DHRS12: variants seen among roughly 807,000 people sequenced by gnomAD.
DHRS12 encodes dehydrogenase/reductase 12, also known as dehydrogenase/reductase SDR family member 12.
Under a neutral mutation model 32.1 loss-of-function variants are expected in DHRS12, and 29 were observed. The observed-to-expected ratio is 0.90, with a 90% CI of 0.67 to 1.23. The LOEUF is 1.23. DHRS12 is among the 50% of genes most tolerant of loss of function. DHRS12 has a pLI of 0.00. For missense variants in DHRS12, 330 were observed against 337.2 expected (o/e 0.98, Z 0.17); for synonymous variants, 150 against 135.9 (o/e 1.10, Z -0.72).
intron 6 of DHRS12, chr13:51,773,037 G>A: frequency 1.0e-6 from 1 of 985,468 alleles, no homozygotes; most frequent in Non-Finnish European, 1.2e-6. Flanking sequence ...GGGCGCCCTA[G>A]CGGGTGAATT....
intron 4 of DHRS12, among the ~76,000 whole-genome samples, chr13:51,781,703 G>C (rs1477272753): frequency 2.0e-5 from 3 of 152,224 alleles, no homozygotes; most frequent in Admixed American, 6.5e-5. Context: ...CCTGAGGCTG[G>C]AGAGTGCAAC....
intron 5 of DHRS12, chr13:51,776,436 T>C (rs1456107514): frequency 1.3e-5 from 2 of 152,978 alleles, no homozygotes; most frequent in Non-Finnish European, 2.9e-5. Context: ...ATGAGGACCC[T>C]TGGGACTCCA....
intron 7 of DHRS12, among the ~76,000 whole-genome samples, chr13:51,769,899 C>T (rs1593502445): frequency 1.3e-5 from 2 of 152,238 alleles, no homozygotes; most frequent in Admixed American, 1.3e-4. Context: ...GTCGGGCACT[C>T]TACCTGCCCA....
Position 51,768,414 on chromosome 13 carries a change from G to C in DHRS12, c.698-118C>G, listed in dbSNP as rs975820131. 6.1e-6 allele frequency: 9 copies of C among 1,479,576 alleles called. No homozygotes were observed. In the African/African-American group the frequency reaches 7.0e-5, roughly 12 times the overall value. 91.7% of individuals were successfully genotyped at this position (1,479,576 alleles called of 1,614,324 possible). On this transcript the variant is annotated intron_variant, in intron 8 of 8. Transcript: ENST00000444610. ...GCTGGAGTGGCAGCACCCTACAGCT[G>C]TTAGACCCCCATCCCTGCTGTCAAA... is the stretch of plus-strand genomic sequence containing the variant.
intron 1 of DHRS12, among the ~76,000 whole-genome samples, chr13:51,802,200 C>G (rs545897650): frequency 7.0e-6 from 1 of 142,564 alleles, no homozygotes; most frequent in Admixed American, 6.9e-5. Flanking sequence ...CACACACACA[C>G]ACACACACAC....
chr13:51,766,653 T>C (rs1031977320), downstream of DHRS12: 5 of 152,244 alleles, frequency 3.3e-5, no homozygotes, highest in Admixed American at 6.5e-5. Flanking sequence ...CAAATGCTGC[T>C]GAATATTGTG....
At chr13:51,771,588 C>G (rs1954019480) in intron 7 of DHRS12, 5 of 1,548,140 alleles carry the variant, frequency 3.2e-6, no homozygotes, top group Non-Finnish European at 4.4e-6. Flanking sequence ...CTCCCGTTCC[C>G]ACCATCTCCT....
chr13:51,765,005 C>CA (rs1953704471), downstream of DHRS12: 1 of 152,272 alleles, frequency 6.6e-6, no homozygotes, highest in African/African-American at 2.4e-5. Context: ...CCACTTCCTG[C>CA]TCTTGCAAGT....
At chr13:51,770,307 G>A (rs1397604552) in intron 7 of DHRS12, among the ~76,000 whole-genome samples, 1 of 152,196 alleles carries the variant, frequency 6.6e-6, no homozygotes, top group Non-Finnish European at 1.5e-5. Flanking sequence ...TGTGGCCACA[G>A]ACAGGTTGTG....
chr13:51,783,517 G>A (rs1954817939), intron 4 of DHRS12, among the ~76,000 whole-genome samples: 1 of 152,198 alleles, frequency 6.6e-6, no homozygotes, highest in Non-Finnish European at 1.5e-5. Context: ...ATGCGTGTGT[G>A]TGTGTACACA....
Position 51,773,958 on chromosome 13 carries a change from TCAAA to T in DHRS12, c.436_439del (p.Phe146MetfsTer16). The T allele has an allele frequency of 6.2e-7, 1 of 1,614,076 alleles. No individual in the cohort carries two copies. The highest frequency in any genetic ancestry group is 1.1e-5 in the South Asian group (1 of 91,088). ...GTTTTGTGCATAGACCATAGTTCCA[TCAAA>T]TGGTGTTCTTTCGGACTGGAGATCA... On this transcript the variant is annotated frameshift_variant, in exon 6 of 9. Coordinates refer to ENST00000444610, the MANE Select transcript of DHRS12 (RefSeq NM_001377533.1). LOFTEE classifies it high-confidence loss of function.
At chr13:51,789,837 A>G in intron 4 of DHRS12, 174 bp downstream of exon 4, 1 of 985,400 alleles carries the variant, frequency 1.0e-6, no homozygotes, top group Non-Finnish European at 1.2e-6. Flanking sequence ...AAGAAACATG[A>G]AAAGAGAAAG....
At position 51,771,989 on chromosome 13, in the gene DHRS12, C is replaced by T. The variant is rs1299542671; in HGVS notation, c.469-78G>A. ...GCAAGGGCAGGGGATAAGCCCTGCC[C>T]AGCCTGGCTTATCTTACACTGGACT... On this transcript the variant is annotated intron_variant, in intron 6 of 8. Transcript: ENST00000444610. The T allele has an allele frequency of 5.0e-6, 7 of 1,404,240 alleles. No individual in the cohort carries two copies. The South Asian group carries it at 5.9e-5, about 12-fold the overall frequency. 87.0% of individuals were successfully genotyped at this position (1,404,240 alleles called of 1,614,324 possible).
At chr13:51,781,365 C>A (rs1290693105) in intron 4 of DHRS12, among the ~76,000 whole-genome samples, 1 of 152,044 alleles carries the variant, frequency 6.6e-6, no homozygotes, top group East Asian at 1.9e-4. Context: ...TCCAGTTCCA[C>A]GCACTGAACA....
chr13:51,769,203 G>A lies in DHRS12; in HGVS notation c.650C>T (p.Ala217Val). 6.4e-7 allele frequency: 1 copy of A among 1,567,262 alleles called. No individual in the cohort carries two copies. The highest frequency in any genetic ancestry group is 8.6e-7 in the Non-Finnish European group (1 of 1,157,428). ...CTGTGCGGCTGCGGCAGAGGAGAGG[G>A]CCAGCCACAGCATGGTGTCCGCGCC... ...AQGADTMLWLALSSAAAAQPS... is the reference protein window; with the variant it reads ...AQGADTMLWLVLSSAAAAQPS... Residue 217 changes from alanine (A) to valine (V), a missense_variant, in exon 8 of 9, where the codon GCC becomes GTC. Transcript: ENST00000444610.
intron 6 of DHRS12, chr13:51,772,537 C>G (rs1954079528): frequency 1.3e-6 from 1 of 772,106 alleles, no homozygotes; most frequent in Non-Finnish European, 1.6e-6. Flanking sequence ...ATCCCAGCTA[C>G]TCAGGAGGCT....
chr13:51,757,461 A>AAG, the DHRS12 span, among the ~76,000 whole-genome samples: 32,147 of 151,754 alleles, frequency 0.21, 3,737 homozygotes, highest in South Asian at 0.34. Flanking sequence ...AAAAAGGAAA[A>AAG]AAAAAAATTG....
chr13:51,755,468 T>C, the DHRS12 span: 1 of 1,609,924 alleles, frequency 6.2e-7, no homozygotes. Flanking sequence ...AGGTGAGTGA[T>C]ATGGATGCTT....
intron 4 of DHRS12, among the ~76,000 whole-genome samples, chr13:51,780,176 C>T (rs1218671462): frequency 7.0e-6 from 1 of 142,282 alleles, no homozygotes; most frequent in Non-Finnish European, 1.6e-5. Flanking sequence ...GATTCCATCT[C>T]AAAAATAAAT....
Sources: gnomAD v4.1 joint callset for allele counts (sites outside exome capture counted in the v4.1 genomes callset) on GRCh38, gnomAD v4.1.1 for gene constraint, MANE v1.5 for transcripts, NCBI Gene and HGNC (gene_info 2026-07-23, HGNC 2026-07-21) for gene names.